Variants in SLC22A3 observed in about 807,000 individuals in gnomAD.
The protein encoded by SLC22A3 is solute carrier family 22 member 3, also known as EMT organic cation transporter 3.
Under a neutral mutation model 59.1 loss-of-function variants are expected in SLC22A3, and 51 were observed. That is an observed-to-expected ratio of 0.86 (90% CI 0.69 to 1.09). SLC22A3 has a LOEUF of 1.09. SLC22A3 is among the 50% of genes least tolerant of loss of function. The probability of loss-of-function intolerance (pLI) is 0.00; values close to 1 mark genes in which losing one functional copy is unlikely to be tolerated. For missense variants in SLC22A3, 711 were observed against 726.3 expected, an observed-to-expected ratio of 0.98 and a Z score of 0.24; for synonymous variants, 325 against 292.0, an observed-to-expected ratio of 1.11 and a Z score of -1.15.
intron 1 of SLC22A3, among the ~76,000 whole-genome samples, chr6:160,359,012 A>AATAAAT (rs1784933743): frequency 3.9e-5 from 6 of 152,210 alleles, no homozygotes; most frequent in Admixed American, 3.9e-4. Context: ...AAATATGAAC[A>AATAAAT]ACAAAAGTGC....
rs748951424 is a variant in SLC22A3 at position 160,348,790 on chromosome 6, T to C, written c.371T>C (p.Leu124Pro). ...LAAFPNRSAP[L>P]VPCRGGWRYA... is the part of the protein sequence containing the mutation. ...GCCTTCCCCAACCGCTCGGCTCCCCTTGTGCCGTGCCGCGGCGGCTGGCGC... is the reference window on the plus strand; with the variant it reads ...GCCTTCCCCAACCGCTCGGCTCCCCCTGTGCCGTGCCGCGGCGGCTGGCGC... Residue 124 changes from leucine to proline, a missense_variant, in exon 1 of 11, where the codon CTT (leucine) becomes CCT (proline). Coordinates refer to ENST00000275300, the MANE Select transcript of SLC22A3 (RefSeq NM_021977.4). 131 of 1,573,376 alleles carry C rather than the reference T, an allele frequency of 8.3e-5. No individual in the cohort carries two copies. In the African/African-American group the frequency reaches 1.6e-3, roughly 19 times the overall value.
intron 1 of SLC22A3, among the ~76,000 whole-genome samples, chr6:160,371,025 A>C (rs1387452557): frequency 6.6e-6 from 1 of 152,026 alleles, no homozygotes; most frequent in Non-Finnish European, 1.5e-5. Context: ...CTTTTATCGC[A>C]TTCTGTGTTT....
At position 160,437,113 on chromosome 6, in the gene SLC22A3, TCTTA is replaced by T; in HGVS notation, c.1193_1196del (p.Leu398Ter). On this transcript the variant is annotated frameshift_variant, in exon 7 of 11. Coordinates refer to ENST00000275300, the MANE Select transcript of SLC22A3 (RefSeq NM_021977.4). LOFTEE classifies it high-confidence loss of function. The stretch of plus-strand genomic sequence containing the variant: ...GTGGAACTGCCAGGAGCTCTCTTGA[TCTTA>T]CTAACCATTGAGCGCCTTGGACGAC... 1.9e-6 allele frequency: 3 copies of T among 1,614,180 alleles called. No homozygotes were observed. Among genetic ancestry groups the T allele is most frequent in the Non-Finnish European group, 2.5e-6 (3 of 1,180,012 alleles).
At chr6:160,443,970 G>A (rs1003132641) in intron 9 of SLC22A3, among the ~76,000 whole-genome samples, 3 of 152,060 alleles carry the variant, frequency 2.0e-5, no homozygotes, top group Non-Finnish European at 4.4e-5. Flanking sequence ...TATATTAAAG[G>A]GTGCTGATAA....
chr6:160,421,179 C>T (rs9456537), intron 5 of SLC22A3, among the ~76,000 whole-genome samples: 34,477 of 152,118 alleles, frequency 0.23, 4,271 homozygotes, highest in African/African-American at 0.31. Flanking sequence ...AACCCATTTC[C>T]CAGACAAGTA....
intron 1 of SLC22A3, among the ~76,000 whole-genome samples, chr6:160,386,290 C>T (rs1302214223): frequency 6.6e-6 from 1 of 152,156 alleles, no homozygotes; most frequent in Non-Finnish European, 1.5e-5. Flanking sequence ...CTTTCCCCTT[C>T]ATGGTTAGGT....
At chr6:160,365,645 T>C (rs74461285) in intron 1 of SLC22A3, among the ~76,000 whole-genome samples, 1,884 of 152,280 alleles carry the variant, frequency 0.012, 33 homozygotes, top group Middle Eastern at 0.058. Context: ...GAACAAAAAA[T>C]GTGGCTTTCT....
intron 5 of SLC22A3, chr6:160,425,832 C>T (rs1787931115): frequency 1.0e-6 from 1 of 985,158 alleles, no homozygotes; most frequent in South Asian, 4.7e-5. Flanking sequence ...ATAGTGAACA[C>T]AATATAACAT....
chr6:160,385,329 G>A lies in SLC22A3; in HGVS notation c.430-12650G>A, dbSNP rs112472913. 6.3e-3 allele frequency among the ~76,000 whole-genome samples: 952 copies of A among 152,280 alleles called. 12 individuals are homozygous for A. The highest frequency in any genetic ancestry group is 0.037 in the Middle Eastern group (11 of 294). Reference sequence around the variant, plus strand: ...TTGTTCGGTGTAGCAGGTGCCCTGCGTTCTGTCATGGGAGACACAGTGCCT... The same window carrying A: ...TTGTTCGGTGTAGCAGGTGCCCTGCATTCTGTCATGGGAGACACAGTGCCT... On this transcript the variant is annotated intron_variant, in intron 1 of 10. Coordinates refer to ENST00000275300, the MANE Select transcript of SLC22A3 (RefSeq NM_021977.4).
At chr6:160,445,466 C>G (rs754094693) in intron 9 of SLC22A3, among the ~76,000 whole-genome samples, 2 of 152,180 alleles carry the variant, frequency 1.3e-5, no homozygotes, top group Non-Finnish European at 2.9e-5. Context: ...CAGTTTCACC[C>G]TGAGGTGGAC....
chr6:160,352,405 G>A (rs879784054), intron 1 of SLC22A3, among the ~76,000 whole-genome samples: 4 of 152,136 alleles, frequency 2.6e-5, no homozygotes, highest in East Asian at 1.9e-4. Context: ...ACAATGTAAC[G>A]CAGAGAAGCG....
In SLC22A3 at chr6:160,398,137, G is replaced by A. The variant is rs143363203; in HGVS notation, c.533+55G>A. ...TCACTATAATACCATGCATTAATAC[G>A]GGGAGAAAAATGTTTTATGTTAACT... On this transcript the variant is annotated intron_variant, in intron 2 of 10. Transcript: ENST00000275300. 505 of 1,274,540 alleles carry A rather than the reference G, an allele frequency of 4.0e-4. 4 individuals carry two copies. In the African/African-American group the frequency reaches 6.4e-3, roughly 16 times the overall value. The allele number at this position is 1,274,540 out of a possible 1,614,324, so 79.0% of individuals were successfully genotyped here.
chr6:160,439,786 AT>A (rs1788480857), intron 7 of SLC22A3, among the ~76,000 whole-genome samples: 1 of 152,234 alleles, frequency 6.6e-6, no homozygotes, highest in African/African-American at 2.4e-5. Context: ...TATGTCAGTC[AT>A]GACTGACTGG....
At chr6:160,419,370 A>C (rs1787635894) in intron 5 of SLC22A3, among the ~76,000 whole-genome samples, 1 of 152,206 alleles carries the variant, frequency 6.6e-6, no homozygotes, top group Non-Finnish European at 1.5e-5. Flanking sequence ...GAGGAACCAC[A>C]CTATGATTCC....
At chr6:160,375,399 A>G (rs1562474335) in intron 1 of SLC22A3, among the ~76,000 whole-genome samples, 1 of 152,186 alleles carries the variant, frequency 6.6e-6, no homozygotes, top group African/African-American at 2.4e-5. Context: ...TAATTTTAAG[A>G]TCAAGATGCA....
chr6:160,380,891 A>G (rs1785770615), intron 1 of SLC22A3, among the ~76,000 whole-genome samples: 1 of 152,216 alleles, frequency 6.6e-6, no homozygotes, highest in Non-Finnish European at 1.5e-5. Context: ...TGTGGTCACA[A>G]TTGAGGTGTT....
chr6:160,353,489 AG>A (rs1209073035), intron 1 of SLC22A3, among the ~76,000 whole-genome samples: 2 of 152,230 alleles, frequency 1.3e-5, no homozygotes, highest in African/African-American at 4.8e-5. Flanking sequence ...GGTGTGATAA[AG>A]GGTACCACCC....
rs1196544193 is a variant in SLC22A3, at chr6:160,443,768, G to C, written c.1510+26G>C. The stretch of plus-strand genomic sequence containing the variant: ...GTAAGAACTCATTTGCTATTCTTAA[G>C]AGCCTTCATCTACATTCTTTGTACT... On this transcript the variant is annotated intron_variant, in intron 9 of 10. Coordinates refer to ENST00000275300, the MANE Select transcript of SLC22A3 (RefSeq NM_021977.4). The C allele has an allele frequency of 3.5e-6, 5 of 1,425,436 alleles. No individual in the cohort carries two copies. The East Asian group carries it at 9.2e-5, about 26-fold the overall frequency. The allele number at this position is 1,425,436 out of a possible 1,614,324, so 88.3% of individuals were successfully genotyped here. A position where few individuals can be genotyped will look rare whatever the true frequency, so the allele number is the denominator to read the frequency against.
intron 1 of SLC22A3, among the ~76,000 whole-genome samples, chr6:160,354,363 G>T (rs1011231244): frequency 1.3e-5 from 2 of 152,218 alleles, no homozygotes; most frequent in African/African-American, 4.8e-5. Flanking sequence ...CTTGCAAAGT[G>T]CCTGGTCATA....
Sources: gnomAD v4.1 joint callset for allele counts (sites outside exome capture counted in the v4.1 genomes callset) on GRCh38, gnomAD v4.1.1 for gene constraint, MANE v1.5 for transcripts, NCBI Gene and HGNC (gene_info 2026-07-23, HGNC 2026-07-21) for gene names.